The following LRRC7 variants were observed in gnomAD, a reference collection of about 807,000 sequenced individuals.
LRRC7 encodes leucine-rich repeat-containing protein 7.
Under a neutral mutation model 175.7 loss-of-function variants are expected in LRRC7, and 23 were observed. The ratio of observed to expected loss-of-function variants is 0.13; its 90% CI spans 0.09 to 0.19. The LOEUF is 0.19. Among genes scored for constraint, LRRC7 ranks in the 10% least tolerant of loss-of-function variants. LRRC7 has a pLI of 1.00. For missense variants in LRRC7, 1,354 were observed against 1,904.7 expected, an observed-to-expected ratio of 0.71 and a Z score of 5.38; for synonymous variants, 685 against 680.9, an observed-to-expected ratio of 1.01 and a Z score of -0.09.
intron 2 of LRRC7, among the ~76,000 whole-genome samples, chr1:69,724,071 A>G (rs149439058): frequency 6.6e-5 from 10 of 152,338 alleles, no homozygotes; most frequent in African/African-American, 1.7e-4. Context: ...TGAATTGTCT[A>G]GTTTAAAATC....
chr1:69,936,101 T>A (rs1647988964), intron 8 of LRRC7, among the ~76,000 whole-genome samples: 1 of 152,178 alleles, frequency 6.6e-6, no homozygotes, highest in Admixed American at 6.5e-5. Flanking sequence ...AAAATATGAT[T>A]TCTGTACATT....
intron 3 of LRRC7, among the ~76,000 whole-genome samples, chr1:69,779,730 GGTATCTATT>G (rs1308733757): frequency 1.3e-5 from 2 of 152,176 alleles, no homozygotes; most frequent in African/African-American, 4.8e-5. Context: ...AAAATCCCTA[GGTATCTATT>G]GTAGTCACAA....
intron 1 of LRRC7, among the ~76,000 whole-genome samples, chr1:69,671,462 G>T (rs898108250): frequency 1.3e-5 from 2 of 152,244 alleles, no homozygotes; most frequent in African/African-American, 4.8e-5. Flanking sequence ...GCAGCCTGGG[G>T]TTAGAGGAGA....
rs1666763624 is a variant in LRRC7, at chr1:70,133,643, TTA to T, written c.*11760_*11761del. Among the ~76,000 whole-genome samples, 1 of 152,180 alleles carries T rather than the reference TTA, an allele frequency of 6.6e-6. No individual in the cohort carries two copies. ...GAGCTTTGAGCTTATTTTAGGCAGT[TTA>T]TATGTTTTTTTACTAAACCTCTCAG... On this transcript the variant is annotated 3_prime_UTR_variant, in exon 27 of 27. Transcript: ENST00000651989.
intron 8 of LRRC7, among the ~76,000 whole-genome samples, chr1:69,958,331 C>T (rs1283406686): frequency 6.6e-6 from 1 of 151,936 alleles, no homozygotes; most frequent in African/African-American, 2.4e-5. Flanking sequence ...AAATGGAGGT[C>T]ATAAAGACTT....
intron 3 of LRRC7, among the ~76,000 whole-genome samples, chr1:69,783,479 G>A (rs989160972): frequency 2.0e-5 from 3 of 152,148 alleles, no homozygotes; most frequent in South Asian, 4.1e-4. Flanking sequence ...CCTGGAGGCC[G>A]GGCGCAGTGG....
In LRRC7 at chr1:69,852,047, C is replaced by T. The variant is rs557854610; in HGVS notation, c.647+13764C>T. On this transcript the variant is annotated intron_variant, in intron 7 of 26. Coordinates refer to ENST00000651989, the MANE Select transcript of LRRC7 (RefSeq NM_001370785.2). ...TGTCTTTCTCTCCTTTTTGATATAC[C>T]GTAAGTCTTTAAAGTGCAATCCAAA... is the stretch of plus-strand genomic sequence containing the variant. Among the ~76,000 whole-genome samples, 110 of 151,990 alleles carry T rather than the reference C, an allele frequency of 7.2e-4. 1 individual carries two copies. The highest frequency in any genetic ancestry group is 2.3e-3 in the African/African-American group (94 of 41,468).
chr1:69,954,458 C>T (rs925641909), intron 8 of LRRC7, among the ~76,000 whole-genome samples: 4 of 152,040 alleles, frequency 2.6e-5, no homozygotes, highest in East Asian at 1.9e-4. Context: ...GCTGACTTGG[C>T]GAGCATCCAC....
In LRRC7 at chr1:70,142,469, A is replaced by AT. The variant is rs1667102505; in HGVS notation, c.*20583dup. 1.3e-5 allele frequency: 2 copies of AT among 151,402 alleles called. No individual in the cohort carries two copies. The highest frequency in any genetic ancestry group is 1.3e-4 in the Admixed American group (2 of 15,154). The allele number at this position is 151,402 out of a possible 1,614,324, so 9.4% of individuals were successfully genotyped here. The stretch of plus-strand genomic sequence containing the variant: ...AGAAAGGTAATTGACAGATAAACAG[A>AT]TAGTTTTTGTTTGAAGAGCCAATCA... On this transcript the variant is annotated 3_prime_UTR_variant, in exon 27 of 27. Transcript: ENST00000651989.
intron 7 of LRRC7, among the ~76,000 whole-genome samples, chr1:69,907,457 G>C (rs1197756006): frequency 6.6e-6 from 1 of 152,078 alleles, no homozygotes; most frequent in East Asian, 1.9e-4. Context: ...TTTATTGAGA[G>C]TTTTTAGCAT....
chr1:69,732,821 T>C (rs867798195), intron 2 of LRRC7, among the ~76,000 whole-genome samples: 1 of 152,078 alleles, frequency 6.6e-6, no homozygotes, highest in African/African-American at 2.4e-5. Context: ...TTTATGAAGA[T>C]ACTTCAATAG....
At chr1:69,832,761 T>C (rs1435072924) in intron 5 of LRRC7, among the ~76,000 whole-genome samples, 2 of 152,066 alleles carry the variant, frequency 1.3e-5, no homozygotes, top group Admixed American at 1.3e-4. Context: ...TACTGTATGT[T>C]CAAAATTATT....
chr1:69,640,872 C>T (rs962769700), intron 1 of LRRC7, among the ~76,000 whole-genome samples: 6 of 151,308 alleles, frequency 4.0e-5, no homozygotes, highest in African/African-American at 1.5e-4. Context: ...TAACATAAGT[C>T]ATAATATCTA....
At chr1:69,805,303 G>A (rs1349982368) in intron 4 of LRRC7, among the ~76,000 whole-genome samples, 3 of 151,646 alleles carry the variant, frequency 2.0e-5, no homozygotes, top group Non-Finnish European at 3.0e-5. Context: ...GCATATATGG[G>A]TAATCAGTTA....
At chr1:69,670,518 C>G (rs891955634) in intron 1 of LRRC7, among the ~76,000 whole-genome samples, 1 of 152,102 alleles carries the variant, frequency 6.6e-6, no homozygotes, top group African/African-American at 2.4e-5. Flanking sequence ...TGGCTACCAC[C>G]TATGTTCAGT....
At chr1:69,608,102 T>C (rs1486774322) in intron 1 of LRRC7, 3 of 152,746 alleles carry the variant, frequency 2.0e-5, no homozygotes, top group African/African-American at 7.2e-5. Flanking sequence ...TCACTTTGGG[T>C]TTTTCATTTC....
intron 1 of LRRC7, among the ~76,000 whole-genome samples, chr1:69,609,924 AAGT>A (rs1349061045): frequency 6.6e-6 from 1 of 152,042 alleles, no homozygotes; most frequent in Non-Finnish European, 1.5e-5. Context: ...TATAACCAAA[AAGT>A]AGAAAGAATG....
At chr1:69,982,762 G>C (rs571657813) in intron 9 of LRRC7, among the ~76,000 whole-genome samples, 10 of 151,990 alleles carry the variant, frequency 6.6e-5, no homozygotes, top group Non-Finnish European at 1.5e-4. Flanking sequence ...TTTACTTGTG[G>C]CTTCTACTCT....
chr1:70,139,989 C>G lies in LRRC7; in HGVS notation c.*18102C>G, dbSNP rs1050155849. ...GAGAAACTTAATTCTAGGGTACTTA[C>G]AATAGCTGCCTTATTGGGGGAAGGG... On this transcript the variant is annotated 3_prime_UTR_variant, in exon 27 of 27. Coordinates refer to ENST00000651989, the MANE Select transcript of LRRC7 (RefSeq NM_001370785.2). 2 of 152,146 alleles carry G rather than the reference C, an allele frequency of 1.3e-5. No individual in the cohort carries two copies. Among genetic ancestry groups the G allele is most frequent in the Non-Finnish European group, 2.9e-5 (2 of 67,986 alleles). 9.4% of individuals were successfully genotyped at this position (152,146 alleles called of 1,614,324 possible). A position where few individuals can be genotyped will look rare whatever the true frequency, so the allele number is the denominator to read the frequency against.
Sources: allele counts gnomAD v4.1 joint callset (sites outside exome capture counted in the v4.1 genomes callset), GRCh38; gene constraint gnomAD v4.1.1; transcripts MANE v1.5; gene names NCBI Gene and HGNC (gene_info 2026-07-23, HGNC 2026-07-21).